The following VWA3B variants were observed in gnomAD, a reference collection of about 807,000 sequenced individuals.
The protein encoded by VWA3B is von Willebrand factor A domain containing 3B, also known as von Willebrand factor A domain-containing protein 3B.
In VWA3B, 138 loss-of-function variants were observed where a neutral mutation model predicts 158.3. The ratio of observed to expected loss-of-function variants is 0.87; its 90% CI spans 0.76 to 1.00. The LOEUF is 1.00. Among genes scored for constraint, VWA3B ranks in the 50% least tolerant of loss-of-function variants. The pLI is 0.00. For synonymous variants in VWA3B, 596 were observed against 587.3 expected (o/e 1.01, Z -0.21); for missense variants, 1,555 against 1,565.1 (o/e 0.99, Z 0.11).
chr2:98,277,103 G>C (rs904300759), intron 22 of VWA3B, among the ~76,000 whole-genome samples: 13 of 152,214 alleles, frequency 8.5e-5, no homozygotes, highest in African/African-American at 2.7e-4. Flanking sequence ...ATCCTGCACA[G>C]GGCACATTCC....
At position 98,119,644 on chromosome 2, in the gene VWA3B, C is replaced by T. The variant is rs375112578; in HGVS notation, c.423C>T (p.Cys141=). Reference sequence around the variant, plus strand: ...TTTTTGGTGTCATCTTGGAACAGTGCGTCACCATAGTGCTGGATTTTGGCG... The same window carrying T: ...TTTTTGGTGTCATCTTGGAACAGTGTGTCACCATAGTGCTGGATTTTGGCG... ...RQIFGVILEQ[C]VTIVLDFGGI... The change falls in exon 4 of 28, where the codon TGC becomes TGT. Residue 141 remains cysteine, a synonymous_variant. Transcript: ENST00000477737. The T allele has an allele frequency of 1.3e-5, 21 of 1,613,844 alleles. No individual in the cohort carries two copies. The highest frequency in any genetic ancestry group is 8.0e-5 in the African/African-American group (6 of 74,834).
At chr2:98,252,908 T>G (rs890116667) in intron 20 of VWA3B, among the ~76,000 whole-genome samples, 1 of 152,192 alleles carries the variant, frequency 6.6e-6, no homozygotes, top group African/African-American at 2.4e-5. Context: ...TGTCACTATA[T>G]TGTTATTAAT....
chr2:98,189,199 A>G (rs988763802), intron 10 of VWA3B, among the ~76,000 whole-genome samples: 1 of 152,188 alleles, frequency 6.6e-6, no homozygotes, highest in African/African-American at 2.4e-5. Context: ...TGAGGTCAGG[A>G]GTTCGAGACC....
Position 98,207,033 on chromosome 2 carries a change from A to G in VWA3B, c.1738-4897A>G. 1.6e-5 allele frequency: 8 copies of G among 497,814 alleles called. 1 individual carries two copies. Among genetic ancestry groups the G allele is most frequent in the South Asian group, 1.2e-4 (8 of 65,700 alleles). 30.8% of individuals were successfully genotyped at this position (497,814 alleles called of 1,614,324 possible). On this transcript the variant is annotated intron_variant, in intron 12 of 27. Coordinates refer to ENST00000477737, the MANE Select transcript of VWA3B (RefSeq NM_144992.5). ...CTGTGGCTGAATACTTCAGAGACCA[A>G]GAAGTTCAAGATGTACTCCTGTTTA...
chr2:98,212,749 A>C, intron 13 of VWA3B, among the ~76,000 whole-genome samples: 1 of 152,328 alleles, frequency 6.6e-6, no homozygotes, highest in Middle Eastern at 3.4e-3. Flanking sequence ...AAGCATCTGG[A>C]TTTTACTGCA....
At chr2:98,226,610 C>T (rs577438495) in intron 14 of VWA3B, among the ~76,000 whole-genome samples, 2 of 152,248 alleles carry the variant, frequency 1.3e-5, no homozygotes, top group South Asian at 2.1e-4. Flanking sequence ...CTGTGGGAGA[C>T]CCTGTTAAGA....
At chr2:98,233,633 CAA>C (rs1466849313) in intron 16 of VWA3B, among the ~76,000 whole-genome samples, 1 of 152,192 alleles carries the variant, frequency 6.6e-6, no homozygotes, top group Non-Finnish European at 1.5e-5. Flanking sequence ...CCTAGAAAAA[CAA>C]TGATTACCGT....
chr2:98,194,428 A>G lies in VWA3B; in HGVS notation c.1673A>G (p.Glu558Gly), dbSNP rs1399297537. Residue 558 changes from glutamate (E) to glycine (G), a missense_variant, in exon 12 of 28, where the codon GAA (glutamate) becomes GGA (glycine). Physicochemically the swap from Glu to Gly is moderately conservative, Grantham distance 98. Transcript: ENST00000477737. ...GATGGTCAAGCAGTTGCTTGGCGGG[A>G]ACAACTTGCTGAAGTCAATGAAGAT... ...KFDGQAVAWREQLAEVNEDNL... is the reference protein window; with the variant it reads ...KFDGQAVAWRGQLAEVNEDNL... 2.5e-6 allele frequency: 4 copies of G among 1,614,110 alleles called. No individual in the cohort carries two copies. Among genetic ancestry groups the G allele is most frequent in the East Asian group, 4.5e-5 (2 of 44,876 alleles).
At chr2:98,208,888 A>G (rs1683251486) in intron 12 of VWA3B, among the ~76,000 whole-genome samples, 1 of 151,900 alleles carries the variant, frequency 6.6e-6, no homozygotes, top group African/African-American at 2.4e-5. Context: ...TTCTCTTTCT[A>G]TATGGAAAGC....
intron 3 of VWA3B, among the ~76,000 whole-genome samples, chr2:98,116,489 G>A (rs181767559): frequency 6.6e-6 from 1 of 152,048 alleles, no homozygotes; most frequent in East Asian, 1.9e-4. Context: ...GTGTCTCAGA[G>A]GTTTTGTTCA....
intron 21 of VWA3B, among the ~76,000 whole-genome samples, chr2:98,262,016 G>A (rs1278005603): frequency 6.6e-6 from 1 of 151,686 alleles, no homozygotes; most frequent in Non-Finnish European, 1.5e-5. Context: ...TCTCATAGTG[G>A]TTTTGATTTG....
intron 7 of VWA3B, among the ~76,000 whole-genome samples, chr2:98,138,564 G>A (rs1433863957): frequency 1.3e-5 from 2 of 152,186 alleles, no homozygotes; most frequent in Non-Finnish European, 2.9e-5. Flanking sequence ...AAATATGTGT[G>A]GGGCGGGGGC....
Position 98,255,180 on chromosome 2 carries a change from A to ATT in VWA3B, c.2793-943_2793-942insTT, listed in dbSNP as rs1302034902. 3.1e-3 allele frequency among the ~76,000 whole-genome samples: 204 copies of ATT among 65,828 alleles called. 2 individuals are homozygous for ATT. Among genetic ancestry groups the ATT allele is most frequent in the African/African-American group, 0.01 (160 of 15,244 alleles). 43.2% of individuals were successfully genotyped at this position (65,828 alleles called of 152,430 possible). A position where few individuals can be genotyped will look rare whatever the true frequency, so the allele number is the denominator to read the frequency against. On this transcript the variant is annotated intron_variant, in intron 20 of 27. Transcript: ENST00000477737. Reference sequence around the variant, plus strand: ...AGTCGCCCGCCACCACGCCCGGCTGATATTTTTTTTTTTTTTTTTTTTTTT... The same window carrying ATT: ...AGTCGCCCGCCACCACGCCCGGCTGATTTATTTTTTTTTTTTTTTTTTTTTTT...
intron 7 of VWA3B, among the ~76,000 whole-genome samples, chr2:98,158,874 G>T (rs953489530): frequency 2.4e-4 from 37 of 152,234 alleles, no homozygotes; most frequent in African/African-American, 7.9e-4. Flanking sequence ...TTTGAACCCT[G>T]ACCTCAATGC....
At chr2:98,295,465 A>T (rs965694931) in intron 23 of VWA3B, among the ~76,000 whole-genome samples, 1 of 152,222 alleles carries the variant, frequency 6.6e-6, no homozygotes, top group Non-Finnish European at 1.5e-5. Flanking sequence ...GAAGGCCTCC[A>T]TAGGAGCACA....
chr2:98,110,636 T>C (rs1674066626), intron 2 of VWA3B, among the ~76,000 whole-genome samples: 1 of 152,216 alleles, frequency 6.6e-6, no homozygotes, highest in Admixed American at 6.5e-5. Flanking sequence ...TTGTGTTACA[T>C]AGATATATTG....
downstream of VWA3B, among the ~76,000 whole-genome samples, chr2:98,316,652 A>C (rs925545381): frequency 5.3e-5 from 8 of 151,920 alleles, no homozygotes; most frequent in Non-Finnish European, 8.8e-5. Context: ...GTCTCAAAAA[A>C]AAAAAAAAAA....
chr2:98,133,712 A>C, intron 6 of VWA3B, 112 bp from the exon 7 acceptor site: 1 of 813,840 alleles, frequency 1.2e-6, no homozygotes, highest in Non-Finnish European at 2.1e-6. Flanking sequence ...CATGGCTAAG[A>C]AGATGAAGAT....
intron 8 of VWA3B, among the ~76,000 whole-genome samples, chr2:98,175,463 G>A (rs576642761): frequency 6.6e-6 from 1 of 152,316 alleles, no homozygotes; most frequent in East Asian, 1.9e-4. Context: ...TCAACACCCC[G>A]ATTTGAGAAA....
Sources: allele counts gnomAD v4.1 joint callset (sites outside exome capture counted in the v4.1 genomes callset), GRCh38; gene constraint gnomAD v4.1.1; transcripts MANE v1.5; gene names NCBI Gene and HGNC (gene_info 2026-07-23, HGNC 2026-07-21).